CALN1: variants seen among roughly 807,000 people sequenced by gnomAD.
CALN1 encodes calneuron 1.
CALN1 carries 17 observed loss-of-function variants against 30.6 expected under a neutral mutation model. The observed-to-expected ratio is 0.56, with a 90% confidence interval of 0.38 to 0.83. The LOEUF (loss-of-function observed/expected upper bound fraction) is 0.83. Ranked by LOEUF, CALN1 falls within the 40% of genes least tolerant of loss-of-function variation. The pLI is 0.00. For synonymous variants in CALN1, 156 were observed against 131.4 expected (o/e 1.19, Z -1.28); for missense variants, 291 against 354.9 (o/e 0.82, Z 1.45).
intron 6 of CALN1, among the ~76,000 whole-genome samples, chr7:71,807,279 A>C (rs923268467): frequency 6.6e-6 from 1 of 152,202 alleles, no homozygotes; most frequent in African/African-American, 2.4e-5. Context: ...AGGATCTCAG[A>C]CAAACTCCTC....
At chr7:72,065,329 ACT>A (rs1364341085) in intron 4 of CALN1, among the ~76,000 whole-genome samples, 1 of 151,602 alleles carries the variant, frequency 6.6e-6, no homozygotes, top group Non-Finnish European at 1.5e-5. Context: ...TAGCCACATA[ACT>A]CTACTTTCCA....
intron 5 of CALN1, among the ~76,000 whole-genome samples, chr7:72,012,505 C>T (rs961689974): frequency 3.9e-5 from 6 of 152,042 alleles, no homozygotes; most frequent in Admixed American, 2.6e-4. Context: ...AGTGAGACTC[C>T]GTCTCAAAAA....
intron 2 of CALN1, among the ~76,000 whole-genome samples, chr7:72,298,419 C>T (rs771494878): frequency 1.3e-5 from 2 of 152,070 alleles, no homozygotes; most frequent in Admixed American, 6.5e-5. Context: ...TCGTTTTGGC[C>T]AACTTCTGTC....
intron 2 of CALN1, among the ~76,000 whole-genome samples, chr7:72,385,119 G>A (rs1298766658): frequency 2.6e-5 from 4 of 152,194 alleles, no homozygotes; most frequent in Non-Finnish European, 5.9e-5. Context: ...ACACATATTA[G>A]AATGACTAGA....
rs536915049 is a variant in CALN1, at chr7:72,370,606, G to A, written c.119+32645C>T. Reference sequence around the variant, plus strand: ...GAGGCGGAGCTTAGAAGGGTGAGCCGAGATCACGCCACTGCACTCCAGCTT... The same window carrying A: ...GAGGCGGAGCTTAGAAGGGTGAGCCAAGATCACGCCACTGCACTCCAGCTT... On this transcript the variant is annotated intron_variant, in intron 2 of 6. Transcript: ENST00000395275. Among the ~76,000 whole-genome samples the A allele has an allele frequency of 4.0e-5, 6 of 149,670 alleles. No homozygotes were observed. The East Asian group carries it at 7.9e-4, about 20-fold the overall frequency.
intron 1 of CALN1, among the ~76,000 whole-genome samples, chr7:72,425,923 C>T (rs1285819964): frequency 6.6e-6 from 1 of 152,130 alleles, no homozygotes; most frequent in South Asian, 2.1e-4. Context: ...TCAAACTCCT[C>T]CTCATCCCAG....
intron 2 of CALN1, among the ~76,000 whole-genome samples, chr7:72,353,966 C>T (rs1585564734): frequency 6.6e-6 from 1 of 152,154 alleles, no homozygotes; most frequent in Non-Finnish European, 1.5e-5. Flanking sequence ...GTGGGTGGAT[C>T]ACCTGAAGTC....
chr7:72,264,711 A>G (rs1353972932), intron 3 of CALN1, among the ~76,000 whole-genome samples: 1 of 152,158 alleles, frequency 6.6e-6, no homozygotes, highest in African/African-American at 2.4e-5. Context: ...TTAGGGGTAC[A>G]CGTGCAGATT....
chr7:72,303,652 G>A (rs1366664198), intron 2 of CALN1, among the ~76,000 whole-genome samples: 1 of 151,700 alleles, frequency 6.6e-6, no homozygotes, highest in African/African-American at 2.4e-5. Context: ...AATACAATGA[G>A]AGTGGGCTCG....
At position 72,111,336 on chromosome 7, in the gene CALN1, C is replaced by T. The variant is rs113041624; in HGVS notation, c.245-5042G>A. Among the ~76,000 whole-genome samples, 747 of 152,314 alleles carry T rather than the reference C, an allele frequency of 4.9e-3. 4 individuals carry two copies. Among genetic ancestry groups the T allele is most frequent in the African/African-American group, 0.017 (709 of 41,564 alleles). On this transcript the variant is annotated intron_variant, in intron 3 of 6. Transcript: ENST00000395275. ...TGGAGTCGCCCAGAATCAAAGTTGG[C>T]GTTCCCACAGGGATCTGAGCCCCTC... is the stretch of plus-strand genomic sequence containing the variant.
chr7:72,474,085 T>C, the CALN1 span, among the ~76,000 whole-genome samples: 1 of 152,146 alleles, frequency 6.6e-6, no homozygotes, highest in Non-Finnish European at 1.5e-5. Flanking sequence ...AATAAGATCA[T>C]AACATTTGGA....
At chr7:72,198,564 C>G (rs1220741780) in intron 3 of CALN1, among the ~76,000 whole-genome samples, 1 of 152,144 alleles carries the variant, frequency 6.6e-6, no homozygotes, top group African/African-American at 2.4e-5. Context: ...TCCCTCCCTT[C>G]TCTTTCCCGT....
chr7:72,062,973 C>G (rs1435029058), intron 4 of CALN1, among the ~76,000 whole-genome samples: 1 of 152,116 alleles, frequency 6.6e-6, no homozygotes, highest in Non-Finnish European at 1.5e-5. Flanking sequence ...AGGAACACAT[C>G]TCAGTTTATT....
intron 6 of CALN1, among the ~76,000 whole-genome samples, chr7:71,797,851 C>T (rs554927213): frequency 1.7e-4 from 26 of 152,256 alleles, no homozygotes; most frequent in African/African-American, 6.0e-4. Context: ...CATCGCAAAC[C>T]AGGTTGACCA....
At chr7:71,897,965 C>CAAAA (rs1217388366) in intron 5 of CALN1, among the ~76,000 whole-genome samples, 17 of 55,142 alleles carry the variant, frequency 3.1e-4, no homozygotes, top group African/African-American at 6.7e-4. Flanking sequence ...TGGAAAAAAA[C>CAAAA]AAAAAACAAA....
At chr7:72,318,697 T>C (rs550033890) in intron 2 of CALN1, among the ~76,000 whole-genome samples, 22 of 137,000 alleles carry the variant, frequency 1.6e-4, no homozygotes, top group Admixed American at 7.8e-4. Flanking sequence ...TGCACCACCA[T>C]GTGTAGCTTT....
At chr7:71,908,600 A>G (rs528172068) in intron 5 of CALN1, among the ~76,000 whole-genome samples, 2 of 152,074 alleles carry the variant, frequency 1.3e-5, no homozygotes, top group Non-Finnish European at 2.9e-5. Flanking sequence ...AAATGCACCA[A>G]AAAAAATAAA....
intron 4 of CALN1, among the ~76,000 whole-genome samples, chr7:72,067,615 G>T (rs1804111385): frequency 6.6e-6 from 1 of 152,038 alleles, no homozygotes; most frequent in African/African-American, 2.4e-5. Flanking sequence ...ATCTTATAAA[G>T]AAAAATTTAA....
rs561534599 is a variant in CALN1 at position 71,891,355 on chromosome 7, A to G, written c.502-80863T>C. Among the ~76,000 whole-genome samples the G allele has an allele frequency of 8.5e-5, 13 of 152,332 alleles. No individual in the cohort carries two copies. In the South Asian group the frequency reaches 2.5e-3, roughly 29 times the overall value. ...CCAATTGCTTTTCAGAAGGCTCATT[A>G]TTCTTCTGGACTTACTCGACACAAG... On this transcript the variant is annotated intron_variant, in intron 5 of 6. Transcript: ENST00000395275.
Sources: allele counts gnomAD v4.1 joint callset (sites outside exome capture counted in the v4.1 genomes callset), GRCh38; gene constraint gnomAD v4.1.1; transcripts MANE v1.5; gene names NCBI Gene and HGNC (gene_info 2026-07-23, HGNC 2026-07-21).